ANO4: variants seen among roughly 807,000 people sequenced by gnomAD.
The protein encoded by ANO4 is anoctamin-4.
A neutral mutation model predicts 141.9 loss-of-function variants in ANO4; 69 were observed. That is an observed-to-expected ratio of 0.49 (90% CI 0.40 to 0.59). ANO4 has a LOEUF of 0.59. Ranked by LOEUF, ANO4 falls within the 20% of genes least tolerant of loss-of-function variation. The pLI is 0.00. For missense variants in ANO4, 894 were observed against 1,162.2 expected, an observed-to-expected ratio of 0.77 and a Z score of 3.36; for synonymous variants, 350 against 394.3, an observed-to-expected ratio of 0.89 and a Z score of 1.33.
chr12:100,933,739 A>G lies in ANO4; in HGVS notation c.161-5576A>G, dbSNP rs555107150. ...TAATTTACACTCCCACCAACAATGT[A>G]AAAGCATTCCTATTTCTCCACATCC... On this transcript the variant is annotated intron_variant, in intron 3 of 27. Transcript: ENST00000392977. Among the ~76,000 whole-genome samples the G allele has an allele frequency of 1.1e-4, 17 of 152,364 alleles. No homozygotes were observed. In the South Asian group the frequency reaches 2.7e-3, roughly 24 times the overall value.
intron 8 of ANO4, among the ~76,000 whole-genome samples, chr12:101,013,730 A>G (rs1204039048): frequency 2.0e-5 from 3 of 152,246 alleles, no homozygotes; most frequent in Non-Finnish European, 4.4e-5. Flanking sequence ...CAAGTGCTCA[A>G]TAGTTACATG....
chr12:100,862,454 T>C (rs1349309744), intron 1 of ANO4, among the ~76,000 whole-genome samples: 1 of 152,098 alleles, frequency 6.6e-6, no homozygotes, highest in African/African-American at 2.4e-5. Context: ...CATAAGTAGC[T>C]AGGATTACAG....
intron 1 of ANO4, among the ~76,000 whole-genome samples, chr12:100,720,291 G>C (rs1269031885): frequency 6.6e-6 from 1 of 152,046 alleles, no homozygotes; most frequent in Non-Finnish European, 1.5e-5. Flanking sequence ...ATAGAGCACA[G>C]TGATGGCTGT....
chr12:100,873,192 G>A (rs963857908), intron 1 of ANO4, among the ~76,000 whole-genome samples: 4 of 152,160 alleles, frequency 2.6e-5, no homozygotes, highest in Non-Finnish European at 5.9e-5. Context: ...ATAGCAATGT[G>A]AGAATAGACT....
At chr12:101,029,992 G>C (rs760896739) in intron 9 of ANO4, among the ~76,000 whole-genome samples, 1 of 149,462 alleles carries the variant, frequency 6.7e-6, no homozygotes, top group Non-Finnish European at 1.5e-5. Context: ...AGTTCTTAGA[G>C]ACCTACAAAG....
intron 1 of ANO4, among the ~76,000 whole-genome samples, chr12:100,867,745 A>G (rs187408773): frequency 6.6e-6 from 1 of 152,274 alleles, no homozygotes; most frequent in East Asian, 1.9e-4. Flanking sequence ...AATGAAGATA[A>G]CATAGGAATT....
At chr12:100,803,195 G>C (rs1239280724) in intron 1 of ANO4, among the ~76,000 whole-genome samples, 1 of 152,132 alleles carries the variant, frequency 6.6e-6, no homozygotes, top group Non-Finnish European at 1.5e-5. Context: ...GAGAGGATGG[G>C]AGCTTGGAGT....
chr12:100,836,310 T>C (rs1306106877), intron 1 of ANO4, among the ~76,000 whole-genome samples: 1 of 152,132 alleles, frequency 6.6e-6, no homozygotes, highest in Non-Finnish European at 1.5e-5. Flanking sequence ...GCATTAAGCA[T>C]ACAAAAATGA....
At chr12:100,786,258 G>A (rs1166221920) in intron 3 of ANO4, among the ~76,000 whole-genome samples, 4 of 152,154 alleles carry the variant, frequency 2.6e-5, no homozygotes. Context: ...TAGTTCTTTA[G>A]GCGCTGATGG....
At chr12:100,973,331 T>G (rs890964812) in intron 6 of ANO4, among the ~76,000 whole-genome samples, 4 of 152,238 alleles carry the variant, frequency 2.6e-5, no homozygotes, top group Admixed American at 6.5e-5. Context: ...ACAAACATCA[T>G]TTTAGCTGAA....
chr12:100,881,123 A>G (rs1433540140), intron 1 of ANO4, among the ~76,000 whole-genome samples: 12 of 128,508 alleles, frequency 9.3e-5, no homozygotes, highest in Admixed American at 3.3e-4. Context: ...ATCACACACC[A>G]GGGACTGTTT....
upstream of ANO4, among the ~76,000 whole-genome samples, chr12:100,717,347 C>T (rs2030639759): frequency 2.6e-5 from 4 of 151,420 alleles, no homozygotes; most frequent in Non-Finnish European, 5.9e-5. Context: ...GGGGCCCCCG[C>T]GCGCCGGCAG....
intron 6 of ANO4, among the ~76,000 whole-genome samples, chr12:100,973,468 G>T (rs1490350471): frequency 6.6e-6 from 1 of 152,064 alleles, no homozygotes; most frequent in African/African-American, 2.4e-5. Context: ...GGAAATATAG[G>T]AATAGATTTC....
intron 8 of ANO4, among the ~76,000 whole-genome samples, chr12:100,996,462 A>G (rs1052993041): frequency 6.6e-6 from 1 of 152,160 alleles, no homozygotes; most frequent in African/African-American, 2.4e-5. Flanking sequence ...TAGCAGGTGG[A>G]TCACCTGAGG....
At chr12:100,989,386 C>G (rs1439037154) in intron 8 of ANO4, among the ~76,000 whole-genome samples, 1 of 152,190 alleles carries the variant, frequency 6.6e-6, no homozygotes, top group Non-Finnish European at 1.5e-5. Context: ...GTTTTTTAGA[C>G]AATGAGTTGT....
intron 8 of ANO4, among the ~76,000 whole-genome samples, chr12:100,996,053 T>C (rs942172240): frequency 5.3e-5 from 8 of 152,342 alleles, no homozygotes; most frequent in Admixed American, 5.2e-4. Context: ...TTGACTTGAT[T>C]CAGTTTTGGC....
chr12:100,912,799 A>G (rs2041172693), intron 2 of ANO4, among the ~76,000 whole-genome samples: 1 of 152,188 alleles, frequency 6.6e-6, no homozygotes, highest in Middle Eastern at 3.2e-3. Flanking sequence ...CTGGAAGATA[A>G]AATTGTATGG....
chr12:100,987,415 G>A (rs1592933536), intron 7 of ANO4, 124 bp from the exon 8 acceptor site: 9 of 1,188,572 alleles, frequency 7.6e-6, no homozygotes, highest in Admixed American at 2.3e-5. Context: ...AGGATATCCT[G>A]AGTGCAGTGA....
At chr12:100,818,071 G>A (rs1398548325) in intron 1 of ANO4, among the ~76,000 whole-genome samples, 1 of 151,534 alleles carries the variant, frequency 6.6e-6, no homozygotes, top group Non-Finnish European at 1.5e-5. Flanking sequence ...GTATGACTCA[G>A]CCTTATAAAG....
Sources: gnomAD v4.1 joint callset for allele counts (sites outside exome capture counted in the v4.1 genomes callset) on GRCh38, gnomAD v4.1.1 for gene constraint, MANE v1.5 for transcripts, NCBI Gene and HGNC (gene_info 2026-07-23, HGNC 2026-07-21) for gene names.